Variants in ANK2 observed in about 807,000 individuals in gnomAD.
The protein encoded by ANK2 is ankyrin 2, also known as ankyrin-2.
In ANK2, 83 loss-of-function variants were observed where a neutral mutation model predicts 360.5. That is an observed-to-expected ratio of 0.23 (90% CI 0.19 to 0.28). The LOEUF (loss-of-function observed/expected upper bound fraction) is 0.28. Ranked by LOEUF, ANK2 falls within the 10% of genes least tolerant of loss-of-function variation. The pLI, the probability that ANK2 is intolerant of heterozygous loss-of-function variation, is 1.00. For synonymous variants in ANK2, 1,740 were observed against 1,759.5 expected (o/e 0.99, Z 0.28); for missense variants, 4,201 against 4,795.7 (o/e 0.88, Z 3.66).
At chr4:113,361,300 C>T (rs1253286409) in intron 39 of ANK2, among the ~76,000 whole-genome samples, 1 of 151,994 alleles carries the variant, frequency 6.6e-6, no homozygotes, top group Non-Finnish European at 1.5e-5. Context: ...TCATAGTAAA[C>T]AACACTAAAA....
At chr4:113,074,053 T>C (rs1200360929) in intron 1 of ANK2, among the ~76,000 whole-genome samples, 2 of 152,216 alleles carry the variant, frequency 1.3e-5, no homozygotes, top group African/African-American at 2.4e-5. Context: ...GCAGATGAGT[T>C]GAGGAAAATG....
the ANK2 span, among the ~76,000 whole-genome samples, chr4:112,715,708 T>A: frequency 1.3e-5 from 2 of 152,312 alleles, no homozygotes; most frequent in African/African-American, 4.8e-5. Context: ...TGTTACACAG[T>A]ACCACCCTCA....
At position 113,354,342 on chromosome 4, in the gene ANK2, C is replaced by A; in HGVS notation, c.5724C>A (p.Gly1908=). 1 of 1,613,992 alleles carries A rather than the reference C, an allele frequency of 6.2e-7. No homozygotes were observed. Among genetic ancestry groups the A allele is most frequent in the Non-Finnish European group, 8.5e-7 (1 of 1,179,972 alleles). Residue 1908 remains glycine (G), a synonymous_variant, in exon 38 of 46, where the codon GGC becomes GGA. Transcript: ENST00000357077. Reference sequence around the variant, plus strand: ...GACACCCACCTGTTTCGCCTTCAGGCAAAACAGACAAACGTCCACCTGTAT... The same window carrying A: ...GACACCCACCTGTTTCGCCTTCAGGAAAAACAGACAAACGTCCACCTGTAT... The part of the protein sequence containing the change: ...TERHPPVSPS[G]KTDKRPPVSP...
intron 1 of ANK2, among the ~76,000 whole-genome samples, chr4:112,890,557 T>G (rs1026962545): frequency 1.4e-4 from 6 of 42,588 alleles, no homozygotes; most frequent in African/African-American, 1.2e-3. Context: ...ATTTCTGTGG[T>G]TTTTTTTTTT....
intron 1 of ANK2, among the ~76,000 whole-genome samples, chr4:113,096,676 A>G (rs1309493978): frequency 6.6e-6 from 1 of 152,236 alleles, no homozygotes; most frequent in African/African-American, 2.4e-5. Context: ...GCAGGAGCAC[A>G]TATGCAGCCA....
At chr4:112,912,232 A>G (rs945643317) in intron 2 of ANK2, among the ~76,000 whole-genome samples, 13 of 152,136 alleles carry the variant, frequency 8.5e-5, no homozygotes, top group Non-Finnish European at 1.8e-4. Context: ...GTGCAGTTCA[A>G]AACAAATTTT....
At chr4:112,783,446 C>T in the ANK2 span, among the ~76,000 whole-genome samples, 1 of 152,052 alleles carries the variant, frequency 6.6e-6, no homozygotes, top group Non-Finnish European at 1.5e-5. Context: ...CATTAATTCT[C>T]CAGGTAACAA....
chr4:113,299,880 C>T (rs897775690), intron 22 of ANK2, among the ~76,000 whole-genome samples: 6 of 151,972 alleles, frequency 3.9e-5, no homozygotes, highest in Non-Finnish European at 2.9e-5. Context: ...ATACCCTGGT[C>T]CCCATTATAG....
chr4:112,805,535 A>G, the ANK2 span, among the ~76,000 whole-genome samples: 1 of 151,742 alleles, frequency 6.6e-6, no homozygotes, highest in South Asian at 2.1e-4. Context: ...GGGTGGTGTA[A>G]AACAAGGGTG....
chr4:113,321,651 CT>C (rs1267312856), intron 26 of ANK2, among the ~76,000 whole-genome samples: 8 of 151,860 alleles, frequency 5.3e-5, no homozygotes, highest in Non-Finnish European at 1.2e-4. Flanking sequence ...TAAATAGTAG[CT>C]TTTATTTATT....
intron 1 of ANK2, among the ~76,000 whole-genome samples, chr4:113,137,653 C>T (rs1305319533): frequency 6.6e-6 from 1 of 152,086 alleles, no homozygotes; most frequent in Non-Finnish European, 1.5e-5. Context: ...TTCCTTCTTC[C>T]TTCTTCCTTC....
intron 2 of ANK2, among the ~76,000 whole-genome samples, chr4:113,032,129 A>C (rs535735171): frequency 2.0e-5 from 3 of 152,134 alleles, no homozygotes; most frequent in Non-Finnish European, 4.4e-5. Flanking sequence ...GCTAATTAAC[A>C]GTTCTACTTA....
the ANK2 span, among the ~76,000 whole-genome samples, chr4:112,799,350 C>T: frequency 2.0e-5 from 3 of 152,106 alleles, no homozygotes; most frequent in African/African-American, 7.2e-5. Context: ...AATGGAATGG[C>T]TGGATCATAT....
the ANK2 span, among the ~76,000 whole-genome samples, chr4:112,715,446 A>G: frequency 6.6e-6 from 1 of 152,320 alleles, no homozygotes; most frequent in African/African-American, 2.4e-5. Context: ...TGAAAATATG[A>G]TCTACCACAG....
chr4:113,277,547 C>A (rs150118242), intron 15 of ANK2, among the ~76,000 whole-genome samples: 246 of 152,208 alleles, frequency 1.6e-3, no homozygotes, highest in African/African-American at 5.6e-3. Flanking sequence ...AAATTGGAGC[C>A]AGTTTACTGA....
chr4:112,808,837 C>A, the ANK2 span, among the ~76,000 whole-genome samples: 1 of 152,016 alleles, frequency 6.6e-6, no homozygotes, highest in African/African-American at 2.4e-5. Flanking sequence ...ATGGGTATAA[C>A]AACTGGGGAC....
chr4:112,956,759 T>C (rs1004025966), intron 2 of ANK2, among the ~76,000 whole-genome samples: 2 of 152,132 alleles, frequency 1.3e-5, no homozygotes, highest in Non-Finnish European at 1.5e-5. Flanking sequence ...CCACTGTAAA[T>C]ATTGGGCATC....
At chr4:112,875,309 C>A (rs919076261) in intron 1 of ANK2, among the ~76,000 whole-genome samples, 1 of 151,974 alleles carries the variant, frequency 6.6e-6, no homozygotes, top group South Asian at 2.1e-4. Flanking sequence ...TGCACCACTG[C>A]GCTCCGCCTA....
intron 1 of ANK2, among the ~76,000 whole-genome samples, chr4:113,120,207 C>A (rs974184916): frequency 1.3e-5 from 2 of 152,014 alleles, no homozygotes; most frequent in African/African-American, 2.4e-5. Context: ...AACAAATAGG[C>A]AAAGATTAAG....
Sources: allele counts gnomAD v4.1 joint callset (sites outside exome capture counted in the v4.1 genomes callset), GRCh38; gene constraint gnomAD v4.1.1; transcripts MANE v1.5; gene names NCBI Gene and HGNC (gene_info 2026-07-23, HGNC 2026-07-21).